RAD51B: variants seen among roughly 807,000 people sequenced by gnomAD.
RAD51B encodes the protein RAD51 paralog B.
In RAD51B, 38 loss-of-function variants were observed where a neutral mutation model predicts 42.2. The ratio of observed to expected loss-of-function variants is 0.90; its 90% CI spans 0.70 to 1.18. The LOEUF (loss-of-function observed/expected upper bound fraction) is 1.18, where lower values mean the gene tolerates loss of function less well. Among genes scored for constraint, RAD51B ranks in the 50% most tolerant of loss-of-function variants. The pLI is 0.00. For synonymous variants in RAD51B, 154 were observed against 145.2 expected (o/e 1.06, Z -0.43); for missense variants, 373 against 400.7 (o/e 0.93, Z 0.59).
intron 9 of RAD51B, among the ~76,000 whole-genome samples, chr14:68,448,202 G>A (rs1161306372): frequency 4.6e-5 from 7 of 152,122 alleles, no homozygotes; most frequent in South Asian, 4.1e-4. Flanking sequence ...GAGAGCTTAC[G>A]GGTTATATAC....
intron 7 of RAD51B, among the ~76,000 whole-genome samples, chr14:68,235,828 G>A (rs2080243167): frequency 6.6e-6 from 1 of 151,928 alleles, no homozygotes; most frequent in Non-Finnish European, 1.5e-5. Flanking sequence ...GTGGTAGACT[G>A]GGTAAAGAAA....
intron 7 of RAD51B, among the ~76,000 whole-genome samples, chr14:67,972,990 G>T (rs531864303): frequency 1.3e-5 from 2 of 152,084 alleles, no homozygotes; most frequent in African/African-American, 4.8e-5. Flanking sequence ...TTAGTTTCAG[G>T]GCATCTTATC....
chr14:67,948,294 G>C (rs1346872629), intron 7 of RAD51B, among the ~76,000 whole-genome samples: 5 of 152,130 alleles, frequency 3.3e-5, no homozygotes, highest in African/African-American at 1.2e-4. Flanking sequence ...GAGACATTTT[G>C]AACTTCTCTG....
At chr14:68,550,132 C>G (rs1011531603) in intron 10 of RAD51B, among the ~76,000 whole-genome samples, 3 of 152,236 alleles carry the variant, frequency 2.0e-5, no homozygotes, top group Non-Finnish European at 4.4e-5. Flanking sequence ...TTCCTGTGCA[C>G]ACGCTGCGCC....
At chr14:68,422,058 C>A (rs1237510650) in intron 9 of RAD51B, 41 of 1,531,114 alleles carry the variant, frequency 2.7e-5, no homozygotes, top group Non-Finnish European at 3.7e-5. Context: ...ACCTTATAAC[C>A]AAATCCTTTC....
intron 9 of RAD51B, among the ~76,000 whole-genome samples, chr14:68,413,116 T>C (rs891111406): frequency 6.6e-6 from 1 of 152,246 alleles, no homozygotes; most frequent in African/African-American, 2.4e-5. Flanking sequence ...GTTTTACTAA[T>C]TCCAGTTAGA....
intron 8 of RAD51B, among the ~76,000 whole-genome samples, chr14:68,299,058 A>C (rs2139683291): frequency 6.6e-6 from 1 of 151,904 alleles, no homozygotes; most frequent in Middle Eastern, 3.4e-3. Flanking sequence ...TGTTTAATTA[A>C]AGAACAGCCC....
intron 7 of RAD51B, among the ~76,000 whole-genome samples, chr14:68,132,335 G>A (rs2077910249): frequency 6.6e-6 from 1 of 152,158 alleles, no homozygotes; most frequent in African/African-American, 2.4e-5. Flanking sequence ...TATCCACAAA[G>A]GTTATGTGAT....
At chr14:68,282,922 C>G (rs1463383390) in intron 7 of RAD51B, among the ~76,000 whole-genome samples, 1 of 152,198 alleles carries the variant, frequency 6.6e-6, no homozygotes, top group Non-Finnish European at 1.5e-5. Flanking sequence ...TCTGCTTCAA[C>G]TCCGCTCTAC....
chr14:67,887,359 C>T (rs574103265), intron 7 of RAD51B, 155 bp downstream of exon 7: 48 of 532,432 alleles, frequency 9.0e-5, no homozygotes, highest in Middle Eastern at 5.2e-4. Flanking sequence ...TAGCAAACAT[C>T]GCCATCATCT....
chr14:68,645,459 G>A (rs1205372797), intron 10 of RAD51B, among the ~76,000 whole-genome samples: 1 of 152,122 alleles, frequency 6.6e-6, no homozygotes, highest in African/African-American at 2.4e-5. Flanking sequence ...CTATGAACGT[G>A]GGTTTACAAA....
At chr14:68,453,078 G>C (rs1358071199) in intron 9 of RAD51B, among the ~76,000 whole-genome samples, 5 of 152,106 alleles carry the variant, frequency 3.3e-5, no homozygotes, top group Non-Finnish European at 7.4e-5. Flanking sequence ...GTGTGTGTAT[G>C]TGCATAACCC....
intron 7 of RAD51B, among the ~76,000 whole-genome samples, chr14:68,082,854 G>A (rs2076932216): frequency 6.6e-6 from 1 of 152,038 alleles, no homozygotes; most frequent in African/African-American, 2.4e-5. Context: ...CAAGAACTGA[G>A]GTATTTATTG....
At chr14:68,224,304 T>C (rs538562060) in intron 7 of RAD51B, among the ~76,000 whole-genome samples, 1 of 152,328 alleles carries the variant, frequency 6.6e-6, no homozygotes, top group East Asian at 1.9e-4. Context: ...GAAAAATTAT[T>C]GTACAATAGT....
intron 7 of RAD51B, among the ~76,000 whole-genome samples, chr14:68,153,201 G>A (rs1194151145): frequency 6.6e-6 from 1 of 152,114 alleles, no homozygotes; most frequent in Non-Finnish European, 1.5e-5. Context: ...TAGTCTTACA[G>A]TACTTGTCAT....
At chr14:67,967,293 A>G (rs958518514) in intron 7 of RAD51B, among the ~76,000 whole-genome samples, 3 of 152,184 alleles carry the variant, frequency 2.0e-5, no homozygotes, top group African/African-American at 7.2e-5. Context: ...ACAGAGAGCC[A>G]AACCTCATTC....
intron 7 of RAD51B, among the ~76,000 whole-genome samples, chr14:68,245,227 T>C (rs530822748): frequency 2.6e-5 from 4 of 152,340 alleles, no homozygotes; most frequent in Non-Finnish European, 5.9e-5. Flanking sequence ...GTGGCTCTTA[T>C]TGGAAAACTT....
chr14:68,118,995 C>A (rs1432266809), intron 7 of RAD51B, among the ~76,000 whole-genome samples: 1 of 151,950 alleles, frequency 6.6e-6, no homozygotes, highest in Non-Finnish European at 1.5e-5. Flanking sequence ...CTCACTCTGT[C>A]ACCCAGGCTG....
intron 7 of RAD51B, among the ~76,000 whole-genome samples, chr14:68,041,938 A>G (rs1342808626): frequency 1.3e-5 from 2 of 152,200 alleles, no homozygotes; most frequent in Non-Finnish European, 2.9e-5. Flanking sequence ...CAGCAGCCTC[A>G]GGAGACCCCA....
Sources: gnomAD v4.1 joint callset for allele counts (sites outside exome capture counted in the v4.1 genomes callset) on GRCh38, gnomAD v4.1.1 for gene constraint, MANE v1.5 for transcripts, NCBI Gene and HGNC (gene_info 2026-07-23, HGNC 2026-07-21) for gene names.